PLCB1: variants seen among roughly 807,000 people sequenced by gnomAD.
The protein encoded by PLCB1 is 1-phosphatidylinositol 4,5-bisphosphate phosphodiesterase beta-1.
Under a neutral mutation model 161.8 loss-of-function variants are expected in PLCB1, and 46 were observed. The ratio of observed to expected loss-of-function variants is 0.28; its 90% CI spans 0.22 to 0.36. The LOEUF is 0.36. Among genes scored for constraint, PLCB1 ranks in the 10% least tolerant of loss-of-function variants. The pLI is 1.00. For synonymous variants in PLCB1, 517 were observed against 503.7 expected, an observed-to-expected ratio of 1.03 and a Z score of -0.35; for missense variants, 1,016 against 1,472.5, an observed-to-expected ratio of 0.69 and a Z score of 5.07.
chr20:8,385,358 G>C (rs1987392452), intron 3 of PLCB1, among the ~76,000 whole-genome samples: 4 of 152,208 alleles, frequency 2.6e-5, no homozygotes, highest in South Asian at 2.1e-4. Context: ...TTGGGACCAA[G>C]CTGCCCAGCC....
At chr20:8,710,321 A>C (rs575671840) in intron 12 of PLCB1, among the ~76,000 whole-genome samples, 1 of 152,164 alleles carries the variant, frequency 6.6e-6, no homozygotes, top group Admixed American at 6.5e-5. Flanking sequence ...CAACAGTACC[A>C]AGGGGAATGG....
At chr20:8,292,026 AG>A (rs1400906531) in intron 2 of PLCB1, among the ~76,000 whole-genome samples, 3 of 152,164 alleles carry the variant, frequency 2.0e-5, no homozygotes, top group Non-Finnish European at 4.4e-5. Context: ...GTCAGCACAT[AG>A]TGGAGAAAAT....
intron 3 of PLCB1, among the ~76,000 whole-genome samples, chr20:8,531,504 C>T (rs1327155342): frequency 6.6e-6 from 1 of 151,934 alleles, no homozygotes; most frequent in East Asian, 1.9e-4. Flanking sequence ...TGTATGCATT[C>T]CTTGTGCCTA....
chr20:8,717,384 T>TTA (rs1979378192), intron 13 of PLCB1, among the ~76,000 whole-genome samples: 2 of 152,214 alleles, frequency 1.3e-5, no homozygotes, highest in African/African-American at 4.8e-5. Context: ...CTATGTTCCA[T>TTA]TGGAAAATTC....
chr20:8,447,464 T>A (rs1193517628), intron 3 of PLCB1, among the ~76,000 whole-genome samples: 1 of 152,172 alleles, frequency 6.6e-6, no homozygotes, highest in East Asian at 1.9e-4. Context: ...TACTAATAAT[T>A]ACCAGTGTGT....
intron 2 of PLCB1, among the ~76,000 whole-genome samples, chr20:8,243,280 C>T (rs1457836989): frequency 2.0e-5 from 3 of 152,002 alleles, no homozygotes; most frequent in South Asian, 2.1e-4. Context: ...GGCAAATGGC[C>T]GATGATTCCC....
At chr20:8,177,248 A>G (rs1473111573) in intron 2 of PLCB1, among the ~76,000 whole-genome samples, 1 of 152,062 alleles carries the variant, frequency 6.6e-6, no homozygotes, top group Non-Finnish European at 1.5e-5. Flanking sequence ...GAGGCTTGAG[A>G]GTCTTTTTAC....
chr20:8,503,814 TTAAG>T (rs913462955), intron 3 of PLCB1, among the ~76,000 whole-genome samples: 3 of 152,154 alleles, frequency 2.0e-5, no homozygotes, highest in African/African-American at 7.2e-5. Flanking sequence ...CATGTCAATA[TTAAG>T]TAACATAAAT....
chr20:8,484,420 G>C (rs1230429633), intron 3 of PLCB1, among the ~76,000 whole-genome samples: 1 of 150,868 alleles, frequency 6.6e-6, no homozygotes. Context: ...GGAATGCAGT[G>C]GTGTGATCTT....
At chr20:8,516,093 A>G (rs1196046854) in intron 3 of PLCB1, among the ~76,000 whole-genome samples, 3 of 152,164 alleles carry the variant, frequency 2.0e-5, no homozygotes, top group African/African-American at 7.2e-5. Flanking sequence ...AAAATGGCAC[A>G]GGAAAGACCC....
chr20:8,169,347 T>C (rs2051708531), intron 2 of PLCB1, among the ~76,000 whole-genome samples: 1 of 152,144 alleles, frequency 6.6e-6, no homozygotes, highest in Non-Finnish European at 1.5e-5. Context: ...AGGAAGACAT[T>C]TAACTCATTC....
intron 3 of PLCB1, among the ~76,000 whole-genome samples, chr20:8,455,978 C>T (rs1358618196): frequency 2.6e-5 from 4 of 152,142 alleles, no homozygotes; most frequent in Non-Finnish European, 5.9e-5. Context: ...GCATCATAAT[C>T]AAAACCATGC....
intron 2 of PLCB1, among the ~76,000 whole-genome samples, chr20:8,274,030 A>T (rs1304403172): frequency 6.6e-6 from 1 of 152,226 alleles, no homozygotes; most frequent in Non-Finnish European, 1.5e-5. Flanking sequence ...TGAAATTAGT[A>T]GAAGTGATGA....
intron 3 of PLCB1, among the ~76,000 whole-genome samples, chr20:8,377,062 G>A (rs1417932985): frequency 6.6e-6 from 1 of 152,192 alleles, no homozygotes; most frequent in Non-Finnish European, 1.5e-5. Context: ...GAGTTGGAAG[G>A]CAATACACAC....
chr20:8,683,948 A>C (rs1475481965), intron 9 of PLCB1, among the ~76,000 whole-genome samples: 1 of 151,136 alleles, frequency 6.6e-6, no homozygotes, highest in Admixed American at 6.6e-5. Context: ...TAGTGGTGCG[A>C]TCTCAGCTCA....
At chr20:8,878,774 A>T (rs548352354) in intron 31 of PLCB1, among the ~76,000 whole-genome samples, 1 of 150,340 alleles carries the variant, frequency 6.7e-6, no homozygotes, top group South Asian at 2.1e-4. Flanking sequence ...TAATTTTTAT[A>T]AATTTTTAAA....
intron 3 of PLCB1, among the ~76,000 whole-genome samples, chr20:8,609,267 T>C (rs749730496): frequency 1.3e-5 from 2 of 152,206 alleles, no homozygotes; most frequent in Non-Finnish European, 2.9e-5. Flanking sequence ...CCTAATAGAT[T>C]GACTTATGTC....
At chr20:8,846,216 A>G (rs912918542) in intron 31 of PLCB1, among the ~76,000 whole-genome samples, 1 of 150,904 alleles carries the variant, frequency 6.6e-6, no homozygotes, top group Non-Finnish European at 1.5e-5. Flanking sequence ...GGGAGGTGCC[A>G]CATACTTTTA....
chr20:8,671,920 A>G (rs893684749), intron 9 of PLCB1, among the ~76,000 whole-genome samples: 5 of 152,208 alleles, frequency 3.3e-5, no homozygotes, highest in Admixed American at 6.5e-5. Flanking sequence ...CGTGTACTCA[A>G]CTGAAAATGG....
Sources: allele counts gnomAD v4.1 joint callset (sites outside exome capture counted in the v4.1 genomes callset), GRCh38; gene constraint gnomAD v4.1.1; transcripts MANE v1.5; gene names NCBI Gene and HGNC (gene_info 2026-07-23, HGNC 2026-07-21).